Variants in KIAA0319 observed in about 807,000 individuals in gnomAD.
KIAA0319 encodes dyslexia-associated protein KIAA0319.
A neutral mutation model predicts 108.4 loss-of-function variants in KIAA0319; 83 were observed. That is an observed-to-expected ratio of 0.77 (90% CI 0.64 to 0.92). The LOEUF is 0.92. Among genes scored for constraint, KIAA0319 ranks in the 40% least tolerant of loss-of-function variants. The pLI is 0.00. For synonymous variants in KIAA0319, 484 were observed against 510.4 expected (o/e 0.95, Z 0.70); for missense variants, 1,195 against 1,322.4 (o/e 0.90, Z 1.49).
At chr6:24,580,900 GA>G in intron 7 of KIAA0319, 25 bp downstream of exon 7, 1 of 1,459,224 alleles carries the variant, frequency 6.9e-7, no homozygotes, top group Non-Finnish European at 9.6e-7. Context: ...TGTACAACAG[GA>G]GGTCATTCTC....
At chr6:24,552,902 G>A (rs1254050534) in intron 19 of KIAA0319, among the ~76,000 whole-genome samples, 2 of 152,176 alleles carry the variant, frequency 1.3e-5, no homozygotes, top group African/African-American at 4.8e-5. Flanking sequence ...ACCTAGCCCA[G>A]ATTAAAATAT....
At chr6:24,642,320 G>A (rs1777068411) in intron 1 of KIAA0319, among the ~76,000 whole-genome samples, 1 of 152,108 alleles carries the variant, frequency 6.6e-6, no homozygotes, top group Non-Finnish European at 1.5e-5. Flanking sequence ...ACATTTTAAA[G>A]GGTTATTTTG....
chr6:24,558,163 G>A (rs1220941171), intron 17 of KIAA0319, among the ~76,000 whole-genome samples: 1 of 152,022 alleles, frequency 6.6e-6, no homozygotes, highest in East Asian at 1.9e-4. Flanking sequence ...AGCACTTTGG[G>A]AAGCTGAGGT....
chr6:24,577,079 G>C (rs570779955), intron 9 of KIAA0319, among the ~76,000 whole-genome samples: 1 of 152,272 alleles, frequency 6.6e-6, no homozygotes, highest in South Asian at 2.1e-4. Flanking sequence ...ACACAGACTT[G>C]ATATTTTTGT....
chr6:24,540,594 A>C (rs1441683289), downstream of KIAA0319, among the ~76,000 whole-genome samples: 1 of 151,580 alleles, frequency 6.6e-6, no homozygotes. Context: ...TGCTAATCTC[A>C]ACTCAACAAG....
In KIAA0319 at chr6:24,551,611, G is replaced by T. The variant is rs1761523574; in HGVS notation, c.2949-86C>A. The T allele has an allele frequency of 3.3e-6, 3 of 920,032 alleles. No individual in the cohort carries two copies. The African/African-American group carries it at 5.0e-5, about 15-fold the overall frequency. 57.0% of individuals were successfully genotyped at this position (920,032 alleles called of 1,614,324 possible). ...TTAACGCACAGTAAAGACACTAAAGGAAACATTTTGCCTTTATGATGTGAT... is the reference window on the plus strand; with the variant it reads ...TTAACGCACAGTAAAGACACTAAAGTAAACATTTTGCCTTTATGATGTGAT... On this transcript the variant is annotated intron_variant, in intron 19 of 20. Transcript: ENST00000378214.
At chr6:24,645,010 A>G (rs1255657094) in intron 1 of KIAA0319, among the ~76,000 whole-genome samples, 1 of 152,248 alleles carries the variant, frequency 6.6e-6, no homozygotes, top group Non-Finnish European at 1.5e-5. Context: ...TGGTCTTCTT[A>G]TAATAAATTG....
intron 20 of KIAA0319, among the ~76,000 whole-genome samples, chr6:24,550,186 C>T (rs1013929773): frequency 6.6e-6 from 1 of 152,162 alleles, no homozygotes; most frequent in African/African-American, 2.4e-5. Context: ...TGTTCCTACC[C>T]GGCATCGTCC....
intron 1 of KIAA0319, among the ~76,000 whole-genome samples, chr6:24,623,055 A>AG (rs1554178490): frequency 7.7e-4 from 117 of 151,706 alleles, no homozygotes; most frequent in Non-Finnish European, 1.5e-3. Flanking sequence ...AGAAAAAAAA[A>AG]AGAGAGAGAG....
At chr6:24,606,939 G>A (rs1293851779) in intron 1 of KIAA0319, among the ~76,000 whole-genome samples, 1 of 152,242 alleles carries the variant, frequency 6.6e-6, no homozygotes, top group African/African-American at 2.4e-5. Flanking sequence ...TGGGAAGATG[G>A]AAGGAGCTGG....
intron 1 of KIAA0319, among the ~76,000 whole-genome samples, chr6:24,614,573 A>G (rs924815308): frequency 2.6e-5 from 4 of 152,172 alleles, no homozygotes; most frequent in Admixed American, 6.5e-5. Flanking sequence ...ACAATTAAAT[A>G]TTACTGTCCC....
intron 3 of KIAA0319, among the ~76,000 whole-genome samples, chr6:24,592,099 TA>T (rs1366591099): frequency 6.6e-6 from 1 of 152,206 alleles, no homozygotes; most frequent in Admixed American, 6.5e-5. Context: ...TACTAAGAAA[TA>T]ATTGCCTAAG....
chr6:24,551,583 G>A (rs910328530), intron 19 of KIAA0319, 58 bp from the exon 20 acceptor site: 2 of 1,167,236 alleles, frequency 1.7e-6, no homozygotes, highest in African/African-American at 3.0e-5. Flanking sequence ...TGAGAGCTAG[G>A]ATTTAACGCA....
chr6:24,559,073 G>T lies in KIAA0319; in HGVS notation c.2674C>A (p.Arg892=), dbSNP rs557734049. 4 of 1,613,286 alleles carry T rather than the reference G, an allele frequency of 2.5e-6. No individual in the cohort carries two copies. In the African/African-American group the frequency reaches 4.0e-5, roughly 16 times the overall value. ...AAGTCAGCCTTCTCCTTTGAGAGCCGCATGTGCAGATTTCGGGCCACTTCA... is the reference window on the plus strand; with the variant it reads ...AAGTCAGCCTTCTCCTTTGAGAGCCTCATGTGCAGATTTCGGGCCACTTCA... ...AAEVARNLHM[R]LSKEKADFLL... Residue 892 remains arginine, a synonymous_variant, in exon 17 of 21, where the codon CGG becomes AGG. Coordinates refer to ENST00000378214, the MANE Select transcript of KIAA0319 (RefSeq NM_014809.4).
intron 1 of KIAA0319, among the ~76,000 whole-genome samples, chr6:24,617,031 T>G (rs901836646): frequency 6.6e-6 from 1 of 152,164 alleles, no homozygotes; most frequent in Non-Finnish European, 1.5e-5. Context: ...GATGGTCAAG[T>G]AAAGATATTT....
intron 7 of KIAA0319, among the ~76,000 whole-genome samples, 170 bp from the exon 8 acceptor site, chr6:24,580,120 T>C (rs1338790288): frequency 6.6e-6 from 1 of 152,256 alleles, no homozygotes; most frequent in Non-Finnish European, 1.5e-5. Flanking sequence ...AGTCTCTCTA[T>C]GAATTTCAGG....
intron 1 of KIAA0319, among the ~76,000 whole-genome samples, chr6:24,642,063 A>AGGGGG (rs1666714703): frequency 3.0e-5 from 2 of 67,036 alleles, no homozygotes; most frequent in Non-Finnish European, 5.8e-5. Context: ...AGGGGAGGGG[A>AGGGGG]GGGGAGGAAG....
chr6:24,632,640 G>A (rs1054781243), intron 1 of KIAA0319, among the ~76,000 whole-genome samples: 6 of 152,058 alleles, frequency 3.9e-5, no homozygotes, highest in East Asian at 1.9e-4. Flanking sequence ...CCTACAAAAC[G>A]GTCTCAAACT....
Position 24,554,565 on chromosome 6 carries a change from C to T in KIAA0319, c.2924G>A (p.Trp975Ter). Reference sequence around the variant, plus strand: ...CCTTTTGCAGCAGCAGATGCAAAGCCAAGTGAAACCTCCTGTTAGCACAAT... The same window carrying T: ...CCTTTTGCAGCAGCAGATGCAAAGCTAAGTGAAACCTCCTGTTAGCACAAT... Reference protein sequence around the residue: ...TLIVLTGGFTWLCICCCKRQK... With the variant: ...TLIVLTGGFT The change falls in exon 19 of 21, where the codon TGG becomes TAG. Residue 975 changes from tryptophan to a stop codon, truncating the protein, a stop_gained. Coordinates refer to ENST00000378214, the MANE Select transcript of KIAA0319 (RefSeq NM_014809.4). LOFTEE classifies it high-confidence loss of function. 6.2e-7 allele frequency: 1 copy of T among 1,613,898 alleles called. No homozygotes were observed.
Sources: gnomAD v4.1 joint callset for allele counts (sites outside exome capture counted in the v4.1 genomes callset) on GRCh38, gnomAD v4.1.1 for gene constraint, MANE v1.5 for transcripts, NCBI Gene and HGNC (gene_info 2026-07-23, HGNC 2026-07-21) for gene names.